The following BAIAP2L1 variants were observed in gnomAD, a reference collection of about 807,000 sequenced individuals.
BAIAP2L1 encodes BAR/IMD domain containing adaptor protein 2 like 1, also known as BAR/IMD domain-containing adapter protein 2-like 1.
In BAIAP2L1, 35 loss-of-function variants were observed where a neutral mutation model predicts 66.3. The observed-to-expected ratio is 0.53, with a 90% CI of 0.40 to 0.70. BAIAP2L1 has a LOEUF of 0.70. Ranked by LOEUF, BAIAP2L1 falls within the 30% of genes least tolerant of loss-of-function variation. The pLI, the probability that BAIAP2L1 is intolerant of heterozygous loss-of-function variation, is 0.00. For missense variants in BAIAP2L1, 622 were observed against 656.9 expected, an observed-to-expected ratio of 0.95 and a Z score of 0.58; for synonymous variants, 269 against 248.7, an observed-to-expected ratio of 1.08 and a Z score of -0.77.
chr7:98,348,510 T>C (rs1396893358), intron 3 of BAIAP2L1, among the ~76,000 whole-genome samples: 1 of 144,494 alleles, frequency 6.9e-6, no homozygotes, highest in Non-Finnish European at 1.5e-5. Context: ...GAGGTTGCAG[T>C]GAGCCGAGAT....
In BAIAP2L1 at chr7:98,292,706, A is replaced by AC; in HGVS notation, c.*814dup. ...CTGTACCTGATTCAAACACGGAGAAACCAGGACCCCGAGCAGTTTGAGTGT... is the reference window on the plus strand; with the variant it reads ...CTGTACCTGATTCAAACACGGAGAAACCCAGGACCCCGAGCAGTTTGAGTGT... On this transcript the variant is annotated 3_prime_UTR_variant, in exon 14 of 14. Transcript: ENST00000005260. The AC allele has an allele frequency of 6.4e-7, 1 of 1,551,640 alleles. No individual in the cohort carries two copies. The highest frequency in any genetic ancestry group is 8.7e-7 in the Non-Finnish European group (1 of 1,146,990).
At chr7:98,304,561 T>C (rs572649865) in intron 11 of BAIAP2L1, among the ~76,000 whole-genome samples, 185 bp from the exon 12 acceptor site, 2 of 152,200 alleles carry the variant, frequency 1.3e-5, no homozygotes, top group Admixed American at 6.5e-5. Flanking sequence ...TTTTTAAATT[T>C]TTTTGCGACA....
intron 3 of BAIAP2L1, among the ~76,000 whole-genome samples, chr7:98,326,205 A>T (rs1316825459): frequency 6.6e-6 from 1 of 152,156 alleles, no homozygotes; most frequent in Non-Finnish European, 1.5e-5. Context: ...TGAGCCCAGG[A>T]GGCTGAGGTT....
At chr7:98,346,870 T>C (rs569198086) in intron 3 of BAIAP2L1, among the ~76,000 whole-genome samples, 5 of 152,304 alleles carry the variant, frequency 3.3e-5, no homozygotes, top group African/African-American at 1.2e-4. Context: ...GCTGACACTG[T>C]TGGCCTTTGT....
chr7:98,366,442 G>A (rs757109120), intron 1 of BAIAP2L1, among the ~76,000 whole-genome samples: 6 of 152,202 alleles, frequency 3.9e-5, no homozygotes, highest in Middle Eastern at 3.4e-3. Flanking sequence ...GGGGCCCCTG[G>A]GGTGAATGGC....
chr7:98,354,155 C>T (rs1802068715), intron 3 of BAIAP2L1, among the ~76,000 whole-genome samples: 1 of 151,946 alleles, frequency 6.6e-6, no homozygotes. Context: ...CAGCCCAGCT[C>T]CTCAACTCCA....
chr7:98,386,566 T>C, intron 1 of BAIAP2L1: 1 of 1,597,038 alleles, frequency 6.3e-7, no homozygotes, highest in Non-Finnish European at 8.5e-7. Flanking sequence ...GTAAGGCGCT[T>C]GTTCTTGCCA....
At chr7:98,314,468 C>T (rs547996271) in intron 7 of BAIAP2L1, among the ~76,000 whole-genome samples, 9 of 152,286 alleles carry the variant, frequency 5.9e-5, no homozygotes, top group African/African-American at 2.2e-4. Context: ...TGACCTCAAC[C>T]AGTGCTAGTT....
chr7:98,370,172 C>CGAGACCATCCTGGCTAATGTGGCGA (rs1279634246), intron 1 of BAIAP2L1, among the ~76,000 whole-genome samples: 1 of 151,790 alleles, frequency 6.6e-6, no homozygotes, highest in African/African-American at 2.4e-5. Flanking sequence ...GTCAAGAGAT[C>CGAGACCATCCTGGCTAATGTGGCGA]GAGACCATCC....
At chr7:98,347,771 A>G (rs577936724) in intron 3 of BAIAP2L1, among the ~76,000 whole-genome samples, 5 of 151,856 alleles carry the variant, frequency 3.3e-5, no homozygotes, top group Non-Finnish European at 5.9e-5. Flanking sequence ...GAGCGAAACA[A>G]TGTCTCAAAA....
chr7:98,316,167 C>T (rs1220640998), intron 6 of BAIAP2L1, among the ~76,000 whole-genome samples: 1 of 152,188 alleles, frequency 6.6e-6, no homozygotes, highest in East Asian at 1.9e-4. Context: ...ACAAGCTCTC[C>T]TTTGCCTGCT....
Position 98,395,236 on chromosome 7 carries a change from G to A in BAIAP2L1, c.51+5566C>T, listed in dbSNP as rs536586798. The stretch of plus-strand genomic sequence containing the variant: ...GGGTGGATCACGAGGTCAGGAGTTC[G>A]AGACCAGCCTGACCAACATGGTGAA... On this transcript the variant is annotated intron_variant, in intron 1 of 13. Transcript: ENST00000005260. Among the ~76,000 whole-genome samples the A allele has an allele frequency of 7.9e-5, 12 of 152,118 alleles. No individual in the cohort carries two copies. The South Asian group carries it at 1.0e-3, about 13-fold the overall frequency.
chr7:98,394,975 G>C (rs1419944086), intron 1 of BAIAP2L1, among the ~76,000 whole-genome samples: 1 of 151,808 alleles, frequency 6.6e-6, no homozygotes, highest in Non-Finnish European at 1.5e-5. Context: ...AGCCAGCGTG[G>C]TGGCAGGTAC....
At chr7:98,368,282 G>A (rs753814114) in intron 1 of BAIAP2L1, among the ~76,000 whole-genome samples, 37 of 152,190 alleles carry the variant, frequency 2.4e-4, no homozygotes, top group Admixed American at 4.6e-4. Flanking sequence ...TAGCGGGCGT[G>A]GTGGCGTTTG....
chr7:98,317,451 C>A lies in BAIAP2L1; in HGVS notation c.349-95G>T, dbSNP rs150420497. ...CACACTTCCACTGTGTGTGGCTCAA[C>A]GGGGCCCTGACACCCTCACTTCACA... On this transcript the variant is annotated intron_variant, in intron 5 of 13. Coordinates refer to ENST00000005260, the MANE Select transcript of BAIAP2L1 (RefSeq NM_018842.5). 1.7e-4 allele frequency: 252 copies of A among 1,491,626 alleles called. No homozygotes were observed. The African/African-American group carries it at 3.1e-3, about 19-fold the overall frequency. The allele number at this position is 1,491,626 out of a possible 1,614,324, so 92.4% of individuals were successfully genotyped here.
Position 98,304,366 on chromosome 7 carries a change from C to G in BAIAP2L1, c.1252G>C (p.Val418Leu). The G allele has an allele frequency of 6.2e-7, 1 of 1,613,454 alleles. No homozygotes were observed. Among genetic ancestry groups the G allele is most frequent in the Non-Finnish European group, 8.5e-7 (1 of 1,179,706 alleles). Residue 418 changes from valine (V) to leucine (L), a missense_variant, in exon 12 of 14, where the codon GTG (valine) becomes CTG (leucine). Val to Leu is a conservative substitution (Grantham distance 32). Coordinates refer to ENST00000005260, the MANE Select transcript of BAIAP2L1 (RefSeq NM_018842.5). ...VTVPTPSPTP[V>L]RSISTVNLSE... is the part of the protein sequence containing the mutation. ...AAGTTCACGGTGCTGATGCTTCTCA[C>G]TGGTGTGGGGCTCAAACCCAAAAAG...
intron 12 of BAIAP2L1, among the ~76,000 whole-genome samples, chr7:98,301,402 T>G (rs574918023): frequency 6.6e-6 from 1 of 151,752 alleles, no homozygotes; most frequent in Non-Finnish European, 1.5e-5. Context: ...GGCTTTTGAA[T>G]GTTCTTGGAT....
At chr7:98,359,984 A>T (rs1422504875) in intron 2 of BAIAP2L1, among the ~76,000 whole-genome samples, 2 of 150,146 alleles carry the variant, frequency 1.3e-5, no homozygotes, top group Non-Finnish European at 3.0e-5. Context: ...GTGCAGTGGC[A>T]TGATCTTGGC....
chr7:98,400,880 G>A lies in BAIAP2L1; in HGVS notation c.-28C>T. 1 of 1,533,850 alleles carries A rather than the reference G, an allele frequency of 6.5e-7. No individual in the cohort carries two copies. Among genetic ancestry groups the A allele is most frequent in the Non-Finnish European group, 8.8e-7 (1 of 1,139,470 alleles). On this transcript the variant is annotated 5_prime_UTR_variant, in exon 1 of 14. Coordinates refer to ENST00000005260, the MANE Select transcript of BAIAP2L1 (RefSeq NM_018842.5). ...CTGCGGCCGCCGGGCGAGCAAGCGCGGGAGGACGCGGCTGGGCCTCGTGGC... is the reference window on the plus strand; with the variant it reads ...CTGCGGCCGCCGGGCGAGCAAGCGCAGGAGGACGCGGCTGGGCCTCGTGGC...
Sources: gnomAD v4.1 joint callset for allele counts (sites outside exome capture counted in the v4.1 genomes callset) on GRCh38, gnomAD v4.1.1 for gene constraint, MANE v1.5 for transcripts, NCBI Gene and HGNC (gene_info 2026-07-23, HGNC 2026-07-21) for gene names.